CIDEA: variants seen among roughly 807,000 people sequenced by gnomAD.
CIDEA encodes lipid transferase CIDEA.
A neutral mutation model predicts 18.2 loss-of-function variants in CIDEA; 10 were observed. That is an observed-to-expected ratio of 0.55 (90% CI 0.34 to 0.93). The LOEUF is 0.93. Among genes scored for constraint, CIDEA ranks in the 40% least tolerant of loss-of-function variants. CIDEA has a pLI of 0.02. For synonymous variants in CIDEA, 128 were observed against 124.8 expected (o/e 1.03, Z -0.17); for missense variants, 309 against 293.1 (o/e 1.05, Z -0.40).
intron 3 of CIDEA, among the ~76,000 whole-genome samples, chr18:12,267,399 T>C (rs746095077): frequency 1.3e-5 from 2 of 152,224 alleles, no homozygotes; most frequent in Admixed American, 6.5e-5. Context: ...GCTGTGAAAA[T>C]GTGTGAAGTT....
At chr18:12,274,341 C>A in intron 4 of CIDEA, 67 bp downstream of exon 4, 1 of 1,496,332 alleles carries the variant, frequency 6.7e-7, no homozygotes, top group Non-Finnish European at 9.2e-7. Context: ...AGGCAGCAGT[C>A]CCCACCCTGT....
chr18:12,270,894 C>CTTTTTTTTTTTTTTTTTTTTTTT (rs771335202), intron 3 of CIDEA, among the ~76,000 whole-genome samples: 72 of 60,020 alleles, frequency 1.2e-3, no homozygotes, highest in East Asian at 2.6e-3. Flanking sequence ...TTTTTCTTTT[C>CTTTTTTTTTTTTTTTTTTTTTTT]TTTTTTTTTT....
chr18:12,261,065 T>C (rs6505737), intron 1 of CIDEA, among the ~76,000 whole-genome samples: 56,253 of 152,064 alleles, frequency 0.37, 12,275 homozygotes, highest in East Asian at 0.62. Context: ...TTTGCAATCA[T>C]TTTGTTATGA....
chr18:12,268,229 C>CTTTTT lies in CIDEA; in HGVS notation c.330+3776_330+3777insTTTTT, dbSNP rs1491473988. On this transcript the variant is annotated intron_variant, in intron 3 of 4. Coordinates refer to ENST00000320477, the MANE Select transcript of CIDEA (RefSeq NM_001279.4). The stretch of plus-strand genomic sequence containing the variant: ...ACAAGTGCCTGCCACCATGCCCGGC[C>CTTTTT]ATTTTTTTTTTTTTTTTTTTTTTCA... Among the ~76,000 whole-genome samples, 24 of 73,002 alleles carry CTTTTT rather than the reference C, an allele frequency of 3.3e-4. 9 individuals are homozygous for CTTTTT. The highest frequency in any genetic ancestry group is 2.0e-3 in the East Asian group (5 of 2,510). 47.9% of individuals were successfully genotyped at this position (73,002 alleles called of 152,430 possible). A position where few individuals can be genotyped will look rare whatever the true frequency, so the allele number is the denominator to read the frequency against.
At chr18:12,254,925 G>C in intron 1 of CIDEA, 2 of 1,248,046 alleles carry the variant, frequency 1.6e-6, no homozygotes, top group Non-Finnish European at 2.1e-6. Flanking sequence ...GTCTCCGAGG[G>C]GAGGCCCCAA....
intron 1 of CIDEA, among the ~76,000 whole-genome samples, chr18:12,262,485 C>T (rs1912220783): frequency 1.3e-5 from 2 of 152,190 alleles, no homozygotes; most frequent in African/African-American, 2.4e-5. Flanking sequence ...AGAAATCATT[C>T]TTTTGGATTT....
At position 12,277,217 on chromosome 18, in the gene CIDEA, G is replaced by A; in HGVS notation, c.607G>A (p.Glu203Lys). ...CATGCTCCGGGTGCTGGATGACAAG[G>A]AAGAGCGGCCATCCCTCCGGTCACA... ...TYMLRVLDDKEERPSLRSQAK... is the reference protein window; with the variant it reads ...TYMLRVLDDKKERPSLRSQAK... The change falls in exon 5 of 5, where the codon GAA (glutamate) becomes AAA (lysine). Residue 203 changes from glutamate (E) to lysine (K), a missense_variant. Coordinates refer to ENST00000320477, the MANE Select transcript of CIDEA (RefSeq NM_001279.4). 2 of 1,614,194 alleles carry A rather than the reference G, an allele frequency of 1.2e-6. No individual in the cohort carries two copies. The highest frequency in any genetic ancestry group is 1.7e-6 in the Non-Finnish European group (2 of 1,180,056).
At chr18:12,262,195 G>T (rs1405380108) in intron 1 of CIDEA, among the ~76,000 whole-genome samples, 1 of 146,012 alleles carries the variant, frequency 6.8e-6, no homozygotes, top group Non-Finnish European at 1.5e-5. Context: ...GTAAATTTTT[G>T]AATTAATTCT....
At chr18:12,266,621 A>G (rs1912355682) in intron 3 of CIDEA, among the ~76,000 whole-genome samples, 1 of 152,238 alleles carries the variant, frequency 6.6e-6, no homozygotes, top group Non-Finnish European at 1.5e-5. Context: ...GATCTGAAAG[A>G]TGTTGCCTGT....
Position 12,277,459 on chromosome 18 carries a change from C to G in CIDEA, c.*189C>G. On this transcript the variant is annotated 3_prime_UTR_variant, in exon 5 of 5. Coordinates refer to ENST00000320477, the MANE Select transcript of CIDEA (RefSeq NM_001279.4). Reference sequence around the variant, plus strand: ...AAGTGGGGGCAGTGGGCAGGGTGCCCTGGGGGGGAGGCATAGAGGGCCCTG... The same window carrying G: ...AAGTGGGGGCAGTGGGCAGGGTGCCGTGGGGGGGAGGCATAGAGGGCCCTG... 1 of 616,948 alleles carries G rather than the reference C, an allele frequency of 1.6e-6. No individual in the cohort carries two copies. Among genetic ancestry groups the G allele is most frequent in the Non-Finnish European group, 2.6e-6 (1 of 377,630 alleles). The allele number at this position is 616,948 out of a possible 1,614,324, so 38.2% of individuals were successfully genotyped here.
chr18:12,274,370 C>A, intron 4 of CIDEA, 96 bp downstream of exon 4: 1 of 1,205,382 alleles, frequency 8.3e-7, no homozygotes, highest in Middle Eastern at 2.1e-4. Flanking sequence ...GCTCCCAGGC[C>A]GGCTAGCACT....
At chr18:12,255,884 A>T (rs910963604) in intron 1 of CIDEA, among the ~76,000 whole-genome samples, 1 of 152,220 alleles carries the variant, frequency 6.6e-6, no homozygotes, top group East Asian at 1.9e-4. Context: ...CAAATGAAAC[A>T]TTGGGAAACC....
At chr18:12,269,645 T>C (rs955104414) in intron 3 of CIDEA, among the ~76,000 whole-genome samples, 6 of 152,234 alleles carry the variant, frequency 3.9e-5, no homozygotes, top group South Asian at 4.1e-4. Flanking sequence ...ACAGCACTTC[T>C]TGTGAGAACA....
chr18:12,272,838 C>T (rs1026597836), intron 3 of CIDEA, among the ~76,000 whole-genome samples: 4 of 152,020 alleles, frequency 2.6e-5, no homozygotes, highest in African/African-American at 9.7e-5. Context: ...CAGCCTCAAC[C>T]TCCTGCCCTG....
At chr18:12,258,463 G>C (rs2144058981) in intron 1 of CIDEA, among the ~76,000 whole-genome samples, 1 of 152,374 alleles carries the variant, frequency 6.6e-6, no homozygotes, top group South Asian at 2.1e-4. Context: ...CTTTCACTCA[G>C]TAAATAGATG....
rs142556726 is a variant in CIDEA, at chr18:12,264,336, A to T, written c.213A>T (p.Gly71=). The part of the protein sequence containing the change: ...KTLDALVIAT[G]LVTLVLEEDG... ...TGGATGCCCTCGTCATCGCTACCGGACTGGTCACTCTGGTGCTGGAGGAAG... is the reference window on the plus strand; with the variant it reads ...TGGATGCCCTCGTCATCGCTACCGGTCTGGTCACTCTGGTGCTGGAGGAAG... The change falls in exon 3 of 5, where the codon GGA becomes GGT. Residue 71 remains glycine (G), a synonymous_variant. Transcript: ENST00000320477. The T allele has an allele frequency of 3.2e-5, 52 of 1,613,444 alleles. No individual in the cohort carries two copies. Among genetic ancestry groups the T allele is most frequent in the Non-Finnish European group, 4.1e-5 (48 of 1,179,774 alleles).
At position 12,277,213 on chromosome 18, in the gene CIDEA, C is replaced by T; in HGVS notation, c.603C>T (p.Asp201=). 1 of 1,614,216 alleles carries T rather than the reference C, an allele frequency of 6.2e-7. No individual in the cohort carries two copies. Among genetic ancestry groups the T allele is most frequent in the Non-Finnish European group, 8.5e-7 (1 of 1,180,044 alleles). ...CATACATGCTCCGGGTGCTGGATGA[C>T]AAGGAAGAGCGGCCATCCCTCCGGT... ...LGTYMLRVLD[D]KEERPSLRSQ... is the part of the protein sequence containing the mutation. Residue 201 remains aspartate, a synonymous_variant, in exon 5 of 5, where the codon GAC becomes GAT. Transcript: ENST00000320477.
intron 1 of CIDEA, 145 bp downstream of exon 1, chr18:12,254,566 G>A (rs1281010816): frequency 2.0e-6 from 3 of 1,529,268 alleles, no homozygotes; most frequent in South Asian, 2.4e-5. Context: ...CCGCGACCCC[G>A]CGCACACACC....
At chr18:12,276,005 C>CTT (rs11431936) in intron 4 of CIDEA, among the ~76,000 whole-genome samples, 3 of 140,004 alleles carry the variant, frequency 2.1e-5, no homozygotes, top group Non-Finnish European at 4.5e-5. Flanking sequence ...TATTTTTTTT[C>CTT]TTTTTTGAGA....
Sources: gnomAD v4.1 joint callset for allele counts (sites outside exome capture counted in the v4.1 genomes callset) on GRCh38, gnomAD v4.1.1 for gene constraint, MANE v1.5 for transcripts, NCBI Gene and HGNC (gene_info 2026-07-23, HGNC 2026-07-21) for gene names.